CSMD1: variants seen among roughly 807,000 people sequenced by gnomAD.
CSMD1 encodes the protein CUB and Sushi multiple domains 1, also known as CUB and sushi domain-containing protein 1.
Under a neutral mutation model 417.5 loss-of-function variants are expected in CSMD1, and 213 were observed. That is an observed-to-expected ratio of 0.51 (90% confidence interval 0.46 to 0.57). The LOEUF (loss-of-function observed/expected upper bound fraction) is 0.57, where lower values mean the gene tolerates loss of function less well. Among genes scored for constraint, CSMD1 ranks in the 20% least tolerant of loss-of-function variants. The pLI, the probability that CSMD1 is intolerant of heterozygous loss-of-function variation, is 0.00. For synonymous variants in CSMD1, 2,862 were observed against 1,736.8 expected, an observed-to-expected ratio of 1.65 and a Z score of -16.11; for missense variants, 6,923 against 4,529.7, an observed-to-expected ratio of 1.53 and a Z score of -15.17.
At chr8:3,448,718 T>G (rs552536308) in intron 12 of CSMD1, among the ~76,000 whole-genome samples, 3 of 152,238 alleles carry the variant, frequency 2.0e-5, no homozygotes, top group African/African-American at 7.2e-5. Flanking sequence ...TCCTCTAGGC[T>G]GAGCTCACTC....
intron 2 of CSMD1, among the ~76,000 whole-genome samples, chr8:4,452,422 G>A (rs1451655385): frequency 2.6e-5 from 4 of 152,284 alleles, no homozygotes; most frequent in East Asian, 3.9e-4. Context: ...TTCTTACACG[G>A]TGATTCTTGA....
chr8:4,016,938 A>G (rs1295909655), intron 4 of CSMD1, among the ~76,000 whole-genome samples: 2 of 152,218 alleles, frequency 1.3e-5, no homozygotes, highest in African/African-American at 4.8e-5. Context: ...AAATCTCAAA[A>G]GATGAAACTC....
At chr8:4,019,718 G>A (rs972200029) in intron 4 of CSMD1, among the ~76,000 whole-genome samples, 1 of 152,092 alleles carries the variant, frequency 6.6e-6, no homozygotes, top group Admixed American at 6.5e-5. Flanking sequence ...ACATGCACGT[G>A]GGTATGAATG....
At chr8:4,852,314 C>A (rs1801526204) in intron 1 of CSMD1, among the ~76,000 whole-genome samples, 1 of 152,122 alleles carries the variant, frequency 6.6e-6, no homozygotes, top group Non-Finnish European at 1.5e-5. Context: ...TCATAGATGG[C>A]TTCCTGCTAT....
rs544617500 is a variant in CSMD1 at position 3,600,883 on chromosome 8, T to C, written c.1098-14623A>G. On this transcript the variant is annotated intron_variant, in intron 8 of 69. Coordinates refer to ENST00000635120, the MANE Select transcript of CSMD1 (RefSeq NM_033225.6). ...AGTATTTTATTAATTAAATAAATGA[T>C]TTCAATACAATAAAAAAATGGTTTT... 3.9e-5 allele frequency among the ~76,000 whole-genome samples: 6 copies of C among 152,294 alleles called. 1 individual carries two copies. Among genetic ancestry groups the C allele is most frequent in the African/African-American group, 1.4e-4 (6 of 41,540 alleles).
At chr8:4,377,707 A>G (rs1802844160) in intron 3 of CSMD1, among the ~76,000 whole-genome samples, 1 of 152,210 alleles carries the variant, frequency 6.6e-6, no homozygotes, top group African/African-American at 2.4e-5. Context: ...TCTGTGGCAT[A>G]CTTTTGATTT....
At chr8:4,887,415 C>G (rs764058201) in intron 1 of CSMD1, among the ~76,000 whole-genome samples, 16 of 152,016 alleles carry the variant, frequency 1.1e-4, no homozygotes, top group Non-Finnish European at 2.1e-4. Flanking sequence ...AGTTCATCTG[C>G]AAATGAGAAC....
chr8:3,997,878 T>G (rs1267028591), intron 5 of CSMD1, 25 bp downstream of exon 5: 1 of 1,596,332 alleles, frequency 6.3e-7, no homozygotes, highest in South Asian at 1.1e-5. Context: ...CTGTATCCTT[T>G]GTGGCATCTC....
chr8:4,060,536 T>C (rs113045010), intron 3 of CSMD1, among the ~76,000 whole-genome samples: 1 of 152,038 alleles, frequency 6.6e-6, no homozygotes, highest in African/African-American at 2.4e-5. Context: ...GGAGAAGGAG[T>C]GTGGCCTCTG....
At chr8:4,398,327 T>C (rs1306719711) in intron 3 of CSMD1, among the ~76,000 whole-genome samples, 1 of 151,998 alleles carries the variant, frequency 6.6e-6, no homozygotes, top group Admixed American at 6.6e-5. Context: ...AAATATTCGT[T>C]AGGACTGATA....
chr8:4,037,816 A>C (rs938668970), intron 3 of CSMD1, among the ~76,000 whole-genome samples: 2 of 151,998 alleles, frequency 1.3e-5, no homozygotes, highest in African/African-American at 4.8e-5. Context: ...GAATCTTTTT[A>C]TGTTTGTATA....
intron 54 of CSMD1, among the ~76,000 whole-genome samples, chr8:2,986,185 C>G (rs1440457455): frequency 6.6e-6 from 1 of 152,110 alleles, no homozygotes; most frequent in African/African-American, 2.4e-5. Flanking sequence ...CCTGACTTTC[C>G]TGCGATAATA....
chr8:4,422,580 C>A (rs1476602118), intron 2 of CSMD1, among the ~76,000 whole-genome samples: 1 of 152,038 alleles, frequency 6.6e-6, no homozygotes, highest in Non-Finnish European at 1.5e-5. Context: ...TCACCAGGAA[C>A]TGACTATTCT....
chr8:4,605,307 C>T (rs1356253709), intron 2 of CSMD1, among the ~76,000 whole-genome samples: 1 of 151,980 alleles, frequency 6.6e-6, no homozygotes, highest in Non-Finnish European at 1.5e-5. Flanking sequence ...GAAATTTTCA[C>T]AGGGTGGGTT....
At chr8:3,903,682 A>C (rs1017785418) in intron 5 of CSMD1, among the ~76,000 whole-genome samples, 3 of 152,158 alleles carry the variant, frequency 2.0e-5, no homozygotes, top group Admixed American at 2.0e-4. Flanking sequence ...CTGTCTAATG[A>C]TGTGATTACA....
intron 5 of CSMD1, among the ~76,000 whole-genome samples, chr8:3,824,113 C>A (rs1458004106): frequency 1.3e-5 from 2 of 152,112 alleles, no homozygotes; most frequent in African/African-American, 4.8e-5. Context: ...TCTCCTCATG[C>A]TATGTCGGAA....
Position 4,823,874 on chromosome 8 carries a change from T to C in CSMD1, c.85+170458A>G, listed in dbSNP as rs557251641. The stretch of plus-strand genomic sequence containing the variant: ...TTGAGAGAATAAAAGGAAGGCTTAA[T>C]ATTGAACTTTGAGAGAGAAATACTC... On this transcript the variant is annotated intron_variant, in intron 1 of 69. Transcript: ENST00000635120. 2.0e-5 allele frequency among the ~76,000 whole-genome samples: 3 copies of C among 152,062 alleles called. 1 individual carries two copies. The South Asian group carries it at 6.2e-4, about 32-fold the overall frequency.
chr8:3,353,530 G>T (rs528946586), intron 21 of CSMD1, among the ~76,000 whole-genome samples: 75 of 152,278 alleles, frequency 4.9e-4, no homozygotes, highest in African/African-American at 1.8e-3. Flanking sequence ...CAAAGAAACT[G>T]CGAGAGCGCT....
chr8:3,407,123 A>G (rs1174563319), intron 14 of CSMD1, among the ~76,000 whole-genome samples: 1 of 152,038 alleles, frequency 6.6e-6, no homozygotes, highest in South Asian at 2.1e-4. Flanking sequence ...GAATGGAAGG[A>G]TGGATGGATG....
Sources: allele counts gnomAD v4.1 joint callset (sites outside exome capture counted in the v4.1 genomes callset), GRCh38; gene constraint gnomAD v4.1.1; transcripts MANE v1.5; gene names NCBI Gene and HGNC (gene_info 2026-07-23, HGNC 2026-07-21).